The following DLG2 variants were observed in gnomAD, a reference collection of about 807,000 sequenced individuals.
DLG2 encodes the protein disks large homolog 2.
A neutral mutation model predicts 132.5 loss-of-function variants in DLG2; 45 were observed. That is an observed-to-expected ratio of 0.34 (90% CI 0.27 to 0.44). DLG2 has a LOEUF of 0.44. Among genes scored for constraint, DLG2 ranks in the 20% least tolerant of loss-of-function variants. DLG2 has a pLI of 1.00. For missense variants in DLG2, 1,045 were observed against 1,196.9 expected (o/e 0.87, Z 1.87); for synonymous variants, 424 against 419.6 (o/e 1.01, Z -0.13).
At position 84,267,877 on chromosome 11, in the gene DLG2, AG is replaced by A. The variant is rs148522755; in HGVS notation, c.520-16587del. ...CACACATAGCAGGGACAATTAAGCC[AG>A]GTTTCTGAAAATAATCTCTTTCTTG... On this transcript the variant is annotated intron_variant, in intron 7 of 27. Transcript: ENST00000376104. Among the ~76,000 whole-genome samples the A allele has an allele frequency of 2.2e-3, 338 of 152,364 alleles. 2 individuals are homozygous for A. Among genetic ancestry groups the A allele is most frequent in the African/African-American group, 7.9e-3 (330 of 41,580 alleles).
At chr11:84,796,645 G>A (rs1232030872) in intron 6 of DLG2, among the ~76,000 whole-genome samples, 16 of 151,088 alleles carry the variant, frequency 1.1e-4, no homozygotes, top group Non-Finnish European at 5.9e-5. Context: ...CTTCATGCTT[G>A]AAAGATATTT....
chr11:85,366,510 T>C (rs986068203), intron 3 of DLG2, among the ~76,000 whole-genome samples: 3 of 152,300 alleles, frequency 2.0e-5, no homozygotes, highest in East Asian at 1.9e-4. Flanking sequence ...TCCATGGTTT[T>C]CTAACAAATG....
chr11:85,496,602 G>C (rs898018060), intron 3 of DLG2, among the ~76,000 whole-genome samples: 12 of 152,138 alleles, frequency 7.9e-5, no homozygotes, highest in African/African-American at 2.4e-4. Flanking sequence ...TCCAATAACA[G>C]ACAGACTGCT....
intron 6 of DLG2, among the ~76,000 whole-genome samples, chr11:84,881,884 C>A (rs2087404368): frequency 6.6e-6 from 1 of 152,070 alleles, no homozygotes; most frequent in Non-Finnish European, 1.5e-5. Context: ...AGGTTAGCCC[C>A]AAATGCTGTC....
intron 18 of DLG2, among the ~76,000 whole-genome samples, chr11:83,665,978 G>A (rs767353379): frequency 1.3e-5 from 2 of 152,078 alleles, no homozygotes; most frequent in Non-Finnish European, 2.9e-5. Context: ...CCTCCAACTT[G>A]ACCCACTATC....
chr11:83,600,267 G>GTGTGTGTA (rs1484185818), intron 19 of DLG2, among the ~76,000 whole-genome samples: 17 of 151,652 alleles, frequency 1.1e-4, no homozygotes, highest in Admixed American at 6.6e-5. Flanking sequence ...GTGTGTGTGT[G>GTGTGTGTA]TATGACATTC....
At chr11:84,735,822 G>C (rs911655562) in intron 6 of DLG2, among the ~76,000 whole-genome samples, 7 of 151,844 alleles carry the variant, frequency 4.6e-5, no homozygotes, top group Non-Finnish European at 1.0e-4. Flanking sequence ...ACCTATATTA[G>C]ATATATGTTG....
chr11:84,387,746 C>T (rs1406227421), intron 7 of DLG2, among the ~76,000 whole-genome samples: 4 of 152,166 alleles, frequency 2.6e-5, no homozygotes, highest in Non-Finnish European at 5.9e-5. Context: ...CTTTGCCTTA[C>T]GTATACTTCA....
At chr11:84,703,821 T>G (rs1249941360) in intron 6 of DLG2, among the ~76,000 whole-genome samples, 2 of 142,882 alleles carry the variant, frequency 1.4e-5, no homozygotes, top group East Asian at 4.1e-4. Flanking sequence ...TAGTGTCTTC[T>G]TAGCTTAGAA....
chr11:83,508,994 C>T (rs2139733721), intron 21 of DLG2, among the ~76,000 whole-genome samples: 1 of 152,340 alleles, frequency 6.6e-6, no homozygotes, highest in Admixed American at 6.5e-5. Context: ...TGACCTATTA[C>T]AGGCAGGAAG....
chr11:84,819,129 A>C (rs1435962407), intron 6 of DLG2, among the ~76,000 whole-genome samples: 2 of 134,374 alleles, frequency 1.5e-5, no homozygotes, highest in Admixed American at 7.5e-5. Flanking sequence ...TGCTTACAAC[A>C]ATCTAGTAAA....
rs145618513 is a variant in DLG2, at chr11:85,351,838, G to A, written c.41-66473C>T. On this transcript the variant is annotated intron_variant, in intron 3 of 27. Coordinates refer to ENST00000376104, the MANE Select transcript of DLG2 (RefSeq NM_001142699.3). ...GTATTTTACAGAGGATGTTCATATCGATATTCATCAGGGATATTGGGCTAA... is the reference window on the plus strand; with the variant it reads ...GTATTTTACAGAGGATGTTCATATCAATATTCATCAGGGATATTGGGCTAA... Among the ~76,000 whole-genome samples, 144 of 152,206 alleles carry A rather than the reference G, an allele frequency of 9.5e-4. 1 individual carries two copies. Among genetic ancestry groups the A allele is most frequent in the African/African-American group, 3.4e-3 (140 of 41,540 alleles).
intron 6 of DLG2, among the ~76,000 whole-genome samples, chr11:84,871,522 T>A (rs980046271): frequency 1.3e-5 from 2 of 152,100 alleles, no homozygotes; most frequent in African/African-American, 2.4e-5. Flanking sequence ...GAGGAAACCA[T>A]AAGATTGTTG....
rs1268491244 is a variant in DLG2, at chr11:84,777,324, TAC to T, written c.358-242595_358-242594del. 2.0e-3 allele frequency among the ~76,000 whole-genome samples: 208 copies of T among 105,852 alleles called. 3 individuals are homozygous for T. The highest frequency in any genetic ancestry group is 6.1e-3 in the African/African-American group (175 of 28,786). The allele number at this position is 105,852 out of a possible 152,430, so 69.4% of individuals were successfully genotyped here. On this transcript the variant is annotated intron_variant, in intron 6 of 27. Transcript: ENST00000376104. The stretch of plus-strand genomic sequence containing the variant: ...ATATATATATATATATATATATATA[TAC>T]GTTTTCTTTACCCAGTCATCCACTG...
chr11:84,811,817 G>A (rs550659069), intron 6 of DLG2, among the ~76,000 whole-genome samples: 1 of 152,244 alleles, frequency 6.6e-6, no homozygotes, highest in Admixed American at 6.5e-5. Flanking sequence ...TTTCTATAAA[G>A]TAGCTCAGAA....
chr11:84,329,738 G>T (rs1221954288), intron 7 of DLG2, among the ~76,000 whole-genome samples: 1 of 152,164 alleles, frequency 6.6e-6, no homozygotes, highest in Non-Finnish European at 1.5e-5. Flanking sequence ...TCATTTAAGG[G>T]CTGAGAACAT....
intron 11 of DLG2, among the ~76,000 whole-genome samples, chr11:84,004,911 G>T (rs1384975387): frequency 7.8e-6 from 1 of 128,752 alleles, no homozygotes; most frequent in South Asian, 2.4e-4. Context: ...TTTTTTTACA[G>T]AAATGAGAAA....
Position 84,159,996 on chromosome 11 carries a change from C to A in DLG2, c.624+3465G>T, listed in dbSNP as rs370500808. 9.2e-5 allele frequency among the ~76,000 whole-genome samples: 14 copies of A among 152,216 alleles called. 1 individual carries two copies. The highest frequency in any genetic ancestry group is 3.4e-4 in the African/African-American group (14 of 41,532). On this transcript the variant is annotated intron_variant, in intron 9 of 27. Coordinates refer to ENST00000376104, the MANE Select transcript of DLG2 (RefSeq NM_001142699.3). The stretch of plus-strand genomic sequence containing the variant: ...GTCAATATGAAGAATATTAGGGCAG[C>A]AGTTACTTTGGCCCTGAGAAGAGGG...
chr11:85,413,004 G>T (rs1019398489), intron 3 of DLG2, among the ~76,000 whole-genome samples: 1 of 151,748 alleles, frequency 6.6e-6, no homozygotes, highest in South Asian at 2.1e-4. Flanking sequence ...TTCCATAGTG[G>T]TTGTACTAAT....
Sources: gnomAD v4.1 joint callset for allele counts (sites outside exome capture counted in the v4.1 genomes callset) on GRCh38, gnomAD v4.1.1 for gene constraint, MANE v1.5 for transcripts, NCBI Gene and HGNC (gene_info 2026-07-23, HGNC 2026-07-21) for gene names.